The following CFAP410 variants were observed in gnomAD, a reference collection of about 807,000 sequenced individuals.
The protein encoded by CFAP410 is cilia and flagella associated protein 410.
Under a neutral mutation model 25.7 loss-of-function variants are expected in CFAP410, and 27 were observed. The observed-to-expected ratio is 1.05, with a 90% CI of 0.77 to 1.45. The LOEUF (loss-of-function observed/expected upper bound fraction) is 1.45. Ranked by LOEUF, CFAP410 falls within the 40% of genes most tolerant of loss-of-function variation. The pLI, the probability that CFAP410 is intolerant of heterozygous loss-of-function variation, is 0.00. For missense variants in CFAP410, 428 were observed against 354.1 expected, an observed-to-expected ratio of 1.21 and a Z score of -1.67; for synonymous variants, 178 against 158.4, an observed-to-expected ratio of 1.12 and a Z score of -0.93.
intron 3 of CFAP410, chr21:44,335,526 G>T: frequency 1.7e-6 from 1 of 590,440 alleles, no homozygotes; most frequent in Non-Finnish European, 3.0e-6. Context: ...GCAGGCAGGG[G>T]ACAGGAGCCA....
At chr21:44,335,583 G>C in intron 3 of CFAP410, 175 bp downstream of exon 3, 1 of 613,896 alleles carries the variant, frequency 1.6e-6, no homozygotes, top group Non-Finnish European at 2.9e-6. Flanking sequence ...TGAACATGGG[G>C]GCCACAGGGT....
At chr21:44,337,705 A>C in intron 1 of CFAP410, 38 bp from the exon 2 acceptor site, 5 of 1,592,042 alleles carry the variant, frequency 3.1e-6, no homozygotes, top group Non-Finnish European at 4.3e-6. Flanking sequence ...ATTTTGTTAA[A>C]GTTGAATAAA....
At chr21:44,333,334 C>A (rs1382274320) in intron 3 of CFAP410, 72 bp from the exon 4 acceptor site, 21 of 1,224,688 alleles carry the variant, frequency 1.7e-5, no homozygotes, top group Non-Finnish European at 2.3e-5. Context: ...ATCCCCACCC[C>A]CAGTAAAAGG....
At position 44,332,634 on chromosome 21, in the gene CFAP410, C is replaced by T. The variant is rs545877103; in HGVS notation, c.373+399G>A. ...CCGCCACCCTAGGTTCACAGTGGCC[C>T]GTGGAGCCTGCCCAGTCCCTGTGGA... is the stretch of plus-strand genomic sequence containing the variant. On this transcript the variant is annotated intron_variant, in intron 4 of 6. Coordinates refer to ENST00000339818, the MANE Select transcript of CFAP410 (RefSeq NM_004928.3). 4.4e-3 allele frequency: 858 copies of T among 197,172 alleles called. 3 individuals are homozygous for T. The highest frequency in any genetic ancestry group is 0.017 in the Admixed American group (310 of 18,294). 12.2% of individuals were successfully genotyped at this position (197,172 alleles called of 1,614,324 possible). A position where few individuals can be genotyped will look rare whatever the true frequency, so the allele number is the denominator to read the frequency against.
At chr21:44,337,083 TAA>T (rs35988245) in intron 2 of CFAP410, among the ~76,000 whole-genome samples, 49 of 121,696 alleles carry the variant, frequency 4.0e-4, no homozygotes, top group Non-Finnish European at 4.2e-4. Context: ...AGACTCCGTG[TAA>T]AAAAAAAAAA....
chr21:44,337,677 G>A lies in CFAP410; in HGVS notation c.78-10C>T. The stretch of plus-strand genomic sequence containing the variant: ...TGTGAGGCGGCTGCCCCTGGGGAGA[G>A]AAAAGATACATACTTTAATTTTGTT... On this transcript the variant is annotated splice_polypyrimidine_tract_variant and intron_variant, in intron 1 of 6. Coordinates refer to ENST00000339818, the MANE Select transcript of CFAP410 (RefSeq NM_004928.3). 1.9e-6 allele frequency: 3 copies of A among 1,610,756 alleles called. No individual in the cohort carries two copies. Among genetic ancestry groups the A allele is most frequent in the Middle Eastern group, 1.7e-4 (1 of 6,050 alleles).
In CFAP410 at chr21:44,333,328, C is replaced by T. The variant is rs1439903644; in HGVS notation, c.144-66G>A. 10 of 1,301,592 alleles carry T rather than the reference C, an allele frequency of 7.7e-6. No homozygotes were observed. The South Asian group carries it at 1.0e-4, about 13-fold the overall frequency. 80.6% of individuals were successfully genotyped at this position (1,301,592 alleles called of 1,614,324 possible). On this transcript the variant is annotated intron_variant, in intron 3 of 6. Coordinates refer to ENST00000339818, the MANE Select transcript of CFAP410 (RefSeq NM_004928.3). Reference sequence around the variant, plus strand: ...GGCCCCCAGGGCCACCTCTCAATCCCCACCCCCAGTAAAAGGCACTCATGG... The same window carrying T: ...GGCCCCCAGGGCCACCTCTCAATCCTCACCCCCAGTAAAAGGCACTCATGG...
In CFAP410 at chr21:44,339,256, C is replaced by T. The variant is rs2047824038; in HGVS notation, c.-62G>A. Reference sequence around the variant, plus strand: ...CCTCCTGATCCCGGGCGGGTGACGACTGCGCGGCGCGTGTCTCCAGGGGCG... The same window carrying T: ...CCTCCTGATCCCGGGCGGGTGACGATTGCGCGGCGCGTGTCTCCAGGGGCG... On this transcript the variant is annotated 5_prime_UTR_variant, in exon 1 of 7. Transcript: ENST00000339818. 2.7e-6 allele frequency: 3 copies of T among 1,105,260 alleles called. No homozygotes were observed. Among genetic ancestry groups the T allele is most frequent in the South Asian group, 2.0e-5 (1 of 50,480 alleles). The allele number at this position is 1,105,260 out of a possible 1,614,324, so 68.5% of individuals were successfully genotyped here.
chr21:44,331,957 G>T lies in CFAP410; in HGVS notation c.431C>A (p.Ala144Asp). ...GTGGCCTGTGCCCTCTCTCTCTGGGGCCGCAGTGATCTCCTCTCCCTCACT... is the reference window on the plus strand; with the variant it reads ...GTGGCCTGTGCCCTCTCTCTCTGGGTCCGCAGTGATCTCCTCTCCCTCACT... ...ALSEGEEITA[A>D]PEREGTGHGG... Residue 144 changes from alanine to aspartate, a missense_variant, in exon 5 of 7, where the codon GCC becomes GAC. Coordinates refer to ENST00000339818, the MANE Select transcript of CFAP410 (RefSeq NM_004928.3). 2 of 1,613,594 alleles carry T rather than the reference G, an allele frequency of 1.2e-6. No homozygotes were observed. The highest frequency in any genetic ancestry group is 1.1e-5 in the South Asian group (1 of 91,024).
In CFAP410 at chr21:44,331,926, G is replaced by A; in HGVS notation, c.462C>T (p.Gly154=). 1 of 1,613,482 alleles carries A rather than the reference G, an allele frequency of 6.2e-7. No individual in the cohort carries two copies. Among genetic ancestry groups the A allele is most frequent in the Non-Finnish European group, 8.5e-7 (1 of 1,179,874 alleles). The part of the protein sequence containing the change: ...APEREGTGHG[G]PKLCCTLSSL... ...AGCTCAGTGTGCAGCATAGCTTGGGGCCGCCGTGGCCTGTGCCCTCTCTCT... is the reference window on the plus strand; with the variant it reads ...AGCTCAGTGTGCAGCATAGCTTGGGACCGCCGTGGCCTGTGCCCTCTCTCT... The change falls in exon 5 of 7, where the codon GGC becomes GGT. Residue 154 remains glycine (G), a synonymous_variant. Transcript: ENST00000339818.
intron 4 of CFAP410, 46 bp downstream of exon 4, chr21:44,332,987 C>T (rs2047679338): frequency 2.3e-6 from 3 of 1,303,184 alleles, no homozygotes; most frequent in Non-Finnish European, 3.2e-6. Flanking sequence ...CATCCCCTTC[C>T]AGGGATTGTT....
At chr21:44,330,499 C>T (rs1358129608) in intron 6 of CFAP410, 173 bp from the exon 7 acceptor site, 2 of 1,544,452 alleles carry the variant, frequency 1.3e-6, no homozygotes, top group Non-Finnish European at 1.7e-6. Flanking sequence ...GGAGCCCCGC[C>T]TGTGGACGCG....
chr21:44,330,401 G>T, intron 6 of CFAP410, 75 bp from the exon 7 acceptor site: 3 of 1,570,322 alleles, frequency 1.9e-6, no homozygotes, highest in Non-Finnish European at 1.7e-6. Context: ...CTGGGGCCTG[G>T]CCAGCGGTGC....
At chr21:44,336,937 T>C (rs1252130330) in intron 2 of CFAP410, 18 of 151,666 alleles carry the variant, frequency 1.2e-4, no homozygotes, top group Admixed American at 1.2e-3. Flanking sequence ...AGTACAAAAA[T>C]TAGCCAGGCA....
rs1285201710 is a variant in CFAP410, at chr21:44,339,267, G to T, written c.-73C>A. ...CGGGCGGGTGACGACTGCGCGGCGC[G>T]TGTCTCCAGGGGCGGGGCCCGCGTC... On this transcript the variant is annotated 5_prime_UTR_variant, in exon 1 of 7. Transcript: ENST00000339818. The T allele has an allele frequency of 2.1e-6, 2 of 973,046 alleles. No individual in the cohort carries two copies. Among genetic ancestry groups the T allele is most frequent in the Non-Finnish European group, 2.8e-6 (2 of 704,314 alleles). 60.3% of individuals were successfully genotyped at this position (973,046 alleles called of 1,614,324 possible).
Sources: gnomAD v4.1 joint callset for allele counts (sites outside exome capture counted in the v4.1 genomes callset) on GRCh38, gnomAD v4.1.1 for gene constraint, MANE v1.5 for transcripts, NCBI Gene and HGNC (gene_info 2026-07-23, HGNC 2026-07-21) for gene names.